FHIT: variants seen among roughly 807,000 people sequenced by gnomAD.
FHIT encodes the protein bis(5'-adenosyl)-triphosphatase.
A neutral mutation model predicts 17.9 loss-of-function variants in FHIT; 19 were observed. The ratio of observed to expected loss-of-function variants is 1.06; its 90% CI spans 0.74 to 1.56. FHIT has a LOEUF of 1.56. FHIT is among the 40% of genes most tolerant of loss of function. The pLI is 0.00. For missense variants in FHIT, 248 were observed against 189.2 expected, an observed-to-expected ratio of 1.31 and a Z score of -1.82; for synonymous variants, 81 against 69.7, an observed-to-expected ratio of 1.16 and a Z score of -0.81.
At chr3:60,552,827 G>A (rs921923253) in intron 4 of FHIT, among the ~76,000 whole-genome samples, 24 of 152,208 alleles carry the variant, frequency 1.6e-4, no homozygotes, top group African/African-American at 5.8e-4. Flanking sequence ...ACTTTTAACA[G>A]TCTCATTTAT....
chr3:60,067,968 G>A (rs922610664), intron 5 of FHIT, among the ~76,000 whole-genome samples: 4 of 152,144 alleles, frequency 2.6e-5, no homozygotes, highest in African/African-American at 9.7e-5. Context: ...CAGCATGGTG[G>A]CTCACACCTG....
rs2041103493 is a variant in FHIT at position 60,695,886 on chromosome 3, G to A, written c.-18+126033C>T. Among the ~76,000 whole-genome samples the A allele has an allele frequency of 3.3e-5, 5 of 152,158 alleles. No individual in the cohort carries two copies. The South Asian group carries it at 1.0e-3, about 32-fold the overall frequency. ...ATTAAAGAGTTAATATTTGTTAGGT[G>A]TTTAGACTAGTATCTGATACATGTC... On this transcript the variant is annotated intron_variant, in intron 4 of 9. Transcript: ENST00000492590.
At chr3:59,978,717 T>G (rs62240114) in intron 7 of FHIT, among the ~76,000 whole-genome samples, 4 of 150,004 alleles carry the variant, frequency 2.7e-5, no homozygotes, top group African/African-American at 9.8e-5. Flanking sequence ...TTCAGTAATT[T>G]TGGAGGTTTC....
At chr3:60,297,167 T>C (rs9883296) in intron 5 of FHIT, among the ~76,000 whole-genome samples, 38,177 of 151,984 alleles carry the variant, frequency 0.25, 5,914 homozygotes, top group East Asian at 0.77. Flanking sequence ...ATCTTGTCTA[T>C]ATCTACTAAA....
At chr3:60,179,195 A>T (rs1223921127) in intron 5 of FHIT, among the ~76,000 whole-genome samples, 2 of 152,184 alleles carry the variant, frequency 1.3e-5, no homozygotes, top group African/African-American at 4.8e-5. Context: ...CACCGCAACA[A>T]TTCTCTAGTA....
chr3:60,693,779 T>C (rs2041048857), intron 4 of FHIT, among the ~76,000 whole-genome samples: 1 of 152,216 alleles, frequency 6.6e-6, no homozygotes, highest in Non-Finnish European at 1.5e-5. Context: ...CTCATTCATC[T>C]GTAAGTACTA....
At chr3:60,402,411 T>C (rs897044146) in intron 5 of FHIT, among the ~76,000 whole-genome samples, 3 of 152,188 alleles carry the variant, frequency 2.0e-5, no homozygotes, top group Non-Finnish European at 2.9e-5. Flanking sequence ...GGCCATGAAA[T>C]TTATTATTAT....
intron 5 of FHIT, among the ~76,000 whole-genome samples, chr3:60,048,525 G>C (rs1276436785): frequency 1.3e-5 from 2 of 152,122 alleles, no homozygotes; most frequent in African/African-American, 4.8e-5. Flanking sequence ...CACATTCTGA[G>C]GTACTGTGGG....
At chr3:60,881,733 A>T (rs1429050449) in intron 3 of FHIT, among the ~76,000 whole-genome samples, 1 of 152,194 alleles carries the variant, frequency 6.6e-6, no homozygotes, top group Admixed American at 6.5e-5. Context: ...AGCACAACAT[A>T]TCAAAACTTA....
chr3:60,712,137 G>C (rs13097091), intron 4 of FHIT, among the ~76,000 whole-genome samples: 3,616 of 152,240 alleles, frequency 0.024, 67 homozygotes, highest in African/African-American at 0.035. Context: ...TTAAAGAAAA[G>C]AATTTTCAAC....
intron 8 of FHIT, among the ~76,000 whole-genome samples, chr3:59,755,855 G>T (rs1170897158): frequency 6.6e-6 from 1 of 152,188 alleles, no homozygotes; most frequent in Middle Eastern, 3.2e-3. Context: ...GTGATGGAGG[G>T]AAAGAGGTTA....
intron 7 of FHIT, among the ~76,000 whole-genome samples, chr3:59,968,221 C>T (rs1210556498): frequency 1.3e-5 from 2 of 152,006 alleles, no homozygotes. Flanking sequence ...CTGAGAACAC[C>T]TCTACCAAGG....
At chr3:60,222,191 T>C (rs1246142664) in intron 5 of FHIT, among the ~76,000 whole-genome samples, 3 of 152,030 alleles carry the variant, frequency 2.0e-5, no homozygotes, top group Non-Finnish European at 2.9e-5. Context: ...CAGGAAATCA[T>C]TCTCTCTTAT....
At chr3:59,774,872 A>G (rs1702233144) in intron 8 of FHIT, among the ~76,000 whole-genome samples, 1 of 152,160 alleles carries the variant, frequency 6.6e-6, no homozygotes, top group African/African-American at 2.4e-5. Flanking sequence ...CTGCTTGCCA[A>G]ACTCAAATTC....
intron 3 of FHIT, among the ~76,000 whole-genome samples, chr3:60,878,844 A>C (rs1704815216): frequency 6.6e-6 from 1 of 152,190 alleles, no homozygotes; most frequent in Non-Finnish European, 1.5e-5. Context: ...GCTGCATAGT[A>C]TTCCATGGTG....
chr3:59,847,274 A>G (rs1701757471), intron 8 of FHIT, among the ~76,000 whole-genome samples: 1 of 151,072 alleles, frequency 6.6e-6, no homozygotes, highest in African/African-American at 2.4e-5. Flanking sequence ...TCTTTCTTCA[A>G]CTTTTTTTTT....
At chr3:59,940,607 T>G (rs993609444) in intron 7 of FHIT, among the ~76,000 whole-genome samples, 3 of 152,166 alleles carry the variant, frequency 2.0e-5, no homozygotes, top group Non-Finnish European at 2.9e-5. Context: ...GCTTGGTGAT[T>G]AAGAGCATCG....
chr3:60,861,188 T>TAC lies in FHIT; in HGVS notation c.-110-39178_-110-39177insGT, dbSNP rs1703817677. ...ATCATATGTTCTATGATATATATGA[T>TAC]ATATATCATATATGATATATATGAT... On this transcript the variant is annotated intron_variant, in intron 3 of 9. Transcript: ENST00000492590. 1.3e-4 allele frequency among the ~76,000 whole-genome samples: 2 copies of TAC among 15,000 alleles called. 1 individual carries two copies. The highest frequency in any genetic ancestry group is 4.9e-4 in the African/African-American group (2 of 4,086). 9.8% of individuals were successfully genotyped at this position (15,000 alleles called of 152,430 possible).
intron 7 of FHIT, among the ~76,000 whole-genome samples, chr3:59,957,710 G>A (rs1218607836): frequency 3.3e-5 from 5 of 152,226 alleles, no homozygotes; most frequent in Non-Finnish European, 5.9e-5. Flanking sequence ...TAATACTGAA[G>A]TGAAATGTGA....
Sources: gnomAD v4.1 joint callset for allele counts (sites outside exome capture counted in the v4.1 genomes callset) on GRCh38, gnomAD v4.1.1 for gene constraint, MANE v1.5 for transcripts, NCBI Gene and HGNC (gene_info 2026-07-23, HGNC 2026-07-21) for gene names.